Variants in CPNE4 observed in about 807,000 individuals in gnomAD.
CPNE4 encodes the protein copine-4.
A neutral mutation model predicts 67.9 loss-of-function variants in CPNE4; 25 were observed. The ratio of observed to expected loss-of-function variants is 0.37; its 90% confidence interval spans 0.27 to 0.51. CPNE4 has a LOEUF of 0.51. CPNE4 is among the 20% of genes least tolerant of loss of function. The pLI, the probability that CPNE4 is intolerant of heterozygous loss-of-function variation, is 0.93. For synonymous variants in CPNE4, 242 were observed against 244.9 expected, an observed-to-expected ratio of 0.99 and a Z score of 0.11; for missense variants, 464 against 690.8, an observed-to-expected ratio of 0.67 and a Z score of 3.68.
chr3:131,586,722 CTCTATCTG>C (rs58564329), intron 8 of CPNE4, among the ~76,000 whole-genome samples: 11,310 of 148,438 alleles, frequency 0.076, 794 homozygotes, highest in African/African-American at 0.2. Context: ...GACTTTCTAT[CTCTATCTG>C]TCTGTCTGTC....
intron 7 of CPNE4, among the ~76,000 whole-genome samples, chr3:131,641,362 G>A (rs2079535948): frequency 6.6e-6 from 1 of 151,980 alleles, no homozygotes; most frequent in South Asian, 2.1e-4. Flanking sequence ...GACAGGAATA[G>A]ACAATTCTCA....
chr3:131,593,270 A>T (rs1287078503), intron 7 of CPNE4, among the ~76,000 whole-genome samples: 1 of 152,228 alleles, frequency 6.6e-6, no homozygotes, highest in Non-Finnish European at 1.5e-5. Context: ...ACATTTGAAC[A>T]CTAAGTCTTT....
chr3:131,824,357 A>C (rs2085074211), intron 2 of CPNE4, among the ~76,000 whole-genome samples: 2 of 152,186 alleles, frequency 1.3e-5, no homozygotes, highest in African/African-American at 4.8e-5. Context: ...AAAAAGAACT[A>C]TCCATATCTA....
chr3:131,541,767 T>C (rs889699775), intron 15 of CPNE4, among the ~76,000 whole-genome samples: 1 of 152,084 alleles, frequency 6.6e-6, no homozygotes, highest in African/African-American at 2.4e-5. Flanking sequence ...ACCTCCCTGA[T>C]TCAAGTGATT....
chr3:131,547,750 C>T (rs989077526), intron 14 of CPNE4, among the ~76,000 whole-genome samples: 4 of 152,042 alleles, frequency 2.6e-5, no homozygotes, highest in Admixed American at 2.6e-4. Context: ...GGTCTCCAGT[C>T]CTTTTCACAG....
intron 2 of CPNE4, among the ~76,000 whole-genome samples, chr3:131,760,512 G>A (rs1214532915): frequency 6.6e-6 from 1 of 152,088 alleles, no homozygotes; most frequent in Non-Finnish European, 1.5e-5. Flanking sequence ...CCCATGTAAC[G>A]TGTGTCTATG....
intron 2 of CPNE4, among the ~76,000 whole-genome samples, chr3:131,830,457 C>T (rs1002647642): frequency 6.6e-6 from 1 of 152,050 alleles, no homozygotes; most frequent in South Asian, 2.1e-4. Flanking sequence ...CATTCCACTC[C>T]TTTACACCCT....
At chr3:131,695,631 G>T (rs944654748) in intron 5 of CPNE4, among the ~76,000 whole-genome samples, 3 of 152,138 alleles carry the variant, frequency 2.0e-5, no homozygotes, top group African/African-American at 7.2e-5. Flanking sequence ...TGAAGGAGAA[G>T]GAGCATAACA....
intron 1 of CPNE4, among the ~76,000 whole-genome samples, chr3:131,930,792 C>G (rs569854438): frequency 9.2e-5 from 14 of 152,240 alleles, no homozygotes; most frequent in African/African-American, 2.9e-4. Context: ...CCCTTTAGGG[C>G]TTCTTTCCCT....
intron 1 of CPNE4, among the ~76,000 whole-genome samples, chr3:131,934,465 C>T (rs759680503): frequency 1.2e-4 from 18 of 152,126 alleles, no homozygotes; most frequent in Non-Finnish European, 2.2e-4. Context: ...ACAGAACATG[C>T]AGGTTTGTTA....
chr3:131,569,390 T>C (rs1451519230), intron 10 of CPNE4, among the ~76,000 whole-genome samples: 1 of 151,916 alleles, frequency 6.6e-6, no homozygotes, highest in Non-Finnish European at 1.5e-5. Context: ...ATCCCAGTGC[T>C]TTGGGAGGCT....
chr3:132,020,341 G>A (rs2073967646), intron 1 of CPNE4, among the ~76,000 whole-genome samples: 2 of 152,214 alleles, frequency 1.3e-5, no homozygotes, highest in Admixed American at 1.3e-4. Context: ...ATTCTGATGT[G>A]GAGGCTGAGG....
At chr3:132,002,064 C>T (rs1157882824) in intron 1 of CPNE4, among the ~76,000 whole-genome samples, 2 of 152,098 alleles carry the variant, frequency 1.3e-5, no homozygotes, top group African/African-American at 4.8e-5. Context: ...TCATCACAGA[C>T]CCAGTAGCGC....
intron 1 of CPNE4, among the ~76,000 whole-genome samples, chr3:131,991,242 G>A (rs1384658150): frequency 7.3e-6 from 1 of 136,258 alleles, no homozygotes; most frequent in Non-Finnish European, 1.7e-5. Flanking sequence ...CTCAGAAGAG[G>A]ACATAAAAAT....
At chr3:131,985,857 G>C (rs1455979936) in intron 1 of CPNE4, 3 of 154,000 alleles carry the variant, frequency 1.9e-5, no homozygotes, top group African/African-American at 7.2e-5. Context: ...TAATTGTCTG[G>C]TCTTGTTTAG....
intron 7 of CPNE4, among the ~76,000 whole-genome samples, chr3:131,597,661 A>AATTTTTATT (rs1310544767): frequency 1.3e-5 from 2 of 152,112 alleles, no homozygotes; most frequent in Non-Finnish European, 2.9e-5. Context: ...TTGGCTTTAA[A>AATTTTTATT]ATTTTTATTT....
At chr3:131,942,679 T>C (rs2071435839) in intron 1 of CPNE4, among the ~76,000 whole-genome samples, 1 of 152,100 alleles carries the variant, frequency 6.6e-6, no homozygotes, top group Admixed American at 6.6e-5. Context: ...TCCATTGCCC[T>C]GGAATCTTTT....
chr3:131,890,107 G>GT (rs2088048196), intron 2 of CPNE4, among the ~76,000 whole-genome samples: 1 of 151,946 alleles, frequency 6.6e-6, no homozygotes, highest in African/African-American at 2.4e-5. Flanking sequence ...AAACCAAAAA[G>GT]TTTATGCGCG....
At chr3:132,003,509 T>A (rs1389663748) in intron 1 of CPNE4, among the ~76,000 whole-genome samples, 1 of 151,954 alleles carries the variant, frequency 6.6e-6, no homozygotes, top group East Asian at 1.9e-4. Flanking sequence ...AGCAGGTGTG[T>A]GATGCCCTTG....
Sources: allele counts gnomAD v4.1 joint callset (sites outside exome capture counted in the v4.1 genomes callset), GRCh38; gene constraint gnomAD v4.1.1; transcripts MANE v1.5; gene names NCBI Gene and HGNC (gene_info 2026-07-23, HGNC 2026-07-21).